The following MGAT4C variants were observed in gnomAD, a reference collection of about 807,000 sequenced individuals.
MGAT4C encodes MGAT4 family member C, also known as alpha-1,3-mannosyl-glycoprotein 4-beta-N-acetylglucosaminyltransferase C.
Under a neutral mutation model 40.1 loss-of-function variants are expected in MGAT4C, and 19 were observed. The observed-to-expected ratio is 0.47, with a 90% CI of 0.33 to 0.70. MGAT4C has a LOEUF of 0.70. Ranked by LOEUF, MGAT4C falls within the 30% of genes least tolerant of loss-of-function variation. The pLI is 0.02. For missense variants in MGAT4C, 491 were observed against 563.2 expected (o/e 0.87, Z 1.30); for synonymous variants, 181 against 187.1 (o/e 0.97, Z 0.27).
intron 1 of MGAT4C, among the ~76,000 whole-genome samples, chr12:86,770,682 T>C (rs563794826): frequency 5.9e-5 from 9 of 152,090 alleles, no homozygotes; most frequent in Non-Finnish European, 1.3e-4. Context: ...CATCAACTTA[T>C]GTATGAATTC....
At chr12:86,672,339 A>G (rs930819371) in intron 2 of MGAT4C, among the ~76,000 whole-genome samples, 1 of 152,074 alleles carries the variant, frequency 6.6e-6, no homozygotes, top group African/African-American at 2.4e-5. Flanking sequence ...AGAAGGAAAA[A>G]CTTCTAATAA....
At chr12:86,486,024 C>T (rs1958012984) in intron 2 of MGAT4C, among the ~76,000 whole-genome samples, 1 of 152,066 alleles carries the variant, frequency 6.6e-6, no homozygotes, top group South Asian at 2.1e-4. Context: ...GACAAGCAAA[C>T]ATTAAGGGAA....
Position 85,965,438 on chromosome 12 carries a change from A to T in MGAT4C, c.*13851T>A, listed in dbSNP as rs1321198105. 6.6e-6 allele frequency: 1 copy of T among 151,988 alleles called. No homozygotes were observed. The highest frequency in any genetic ancestry group is 6.6e-5 in the Admixed American group (1 of 15,240). 9.4% of individuals were successfully genotyped at this position (151,988 alleles called of 1,614,324 possible). A position where few individuals can be genotyped will look rare whatever the true frequency, so the allele number is the denominator to read the frequency against. On this transcript the variant is annotated 3_prime_UTR_variant, in exon 5 of 5. Transcript: ENST00000611864. ...AGGTGAAACCCCGTCTCTACTAAAA[A>T]TACAAAAAATTAGCCGGGCGTGGTG...
intron 2 of MGAT4C, among the ~76,000 whole-genome samples, chr12:86,444,451 A>T (rs1957296717): frequency 6.6e-6 from 1 of 152,150 alleles, no homozygotes; most frequent in African/African-American, 2.4e-5. Flanking sequence ...TGACTACCAA[A>T]TTTAGGTCTG....
rs78261368 is a variant in MGAT4C, at chr12:86,655,762, G to A, written c.-229+71447C>T. On this transcript the variant is annotated intron_variant, in intron 2 of 7. Coordinates refer to the MGAT4C transcript ENST00000548651. ...CTATTAGAACAAATCCTAGAACCAT[G>A]CTTCTTCGTTTCAAATCCTGTCTGT... 8.3e-4 allele frequency among the ~76,000 whole-genome samples: 126 copies of A among 152,194 alleles called. 5 individuals are homozygous for A. In the East Asian group the frequency reaches 0.023, roughly 28 times the overall value.
chr12:86,395,901 G>T (rs1448392815), intron 3 of MGAT4C, among the ~76,000 whole-genome samples: 1 of 152,050 alleles, frequency 6.6e-6, no homozygotes, highest in African/African-American at 2.4e-5. Flanking sequence ...ACATGCTGCA[G>T]AATAATAATA....
At chr12:86,052,097 T>C (rs1892952646) in intron 1 of MGAT4C, among the ~76,000 whole-genome samples, 1 of 151,752 alleles carries the variant, frequency 6.6e-6, no homozygotes, top group Non-Finnish European at 1.5e-5. Context: ...ATATGTAATA[T>C]AATACAATGA....
At chr12:86,362,824 G>A (rs1407136821) in intron 3 of MGAT4C, among the ~76,000 whole-genome samples, 5 of 139,696 alleles carry the variant, frequency 3.6e-5, no homozygotes, top group South Asian at 2.2e-4. Flanking sequence ...CCGAGATCAC[G>A]CTGCTGCACT....
At chr12:86,134,532 C>T (rs1367248463) in intron 1 of MGAT4C, among the ~76,000 whole-genome samples, 2 of 152,166 alleles carry the variant, frequency 1.3e-5, no homozygotes, top group South Asian at 4.1e-4. Flanking sequence ...GTTTCTTGTG[C>T]CTGATAGCAG....
At chr12:86,732,498 G>A (rs1194284896) in intron 1 of MGAT4C, among the ~76,000 whole-genome samples, 2 of 152,044 alleles carry the variant, frequency 1.3e-5, no homozygotes, top group Non-Finnish European at 2.9e-5. Context: ...CCCATCTGGG[G>A]GTGATGGAAG....
At position 86,798,222 on chromosome 12, in the gene MGAT4C, C is replaced by T. The variant is rs551550025; in HGVS notation, c.-262+40444G>A. Among the ~76,000 whole-genome samples the T allele has an allele frequency of 5.3e-5, 8 of 152,090 alleles. No individual in the cohort carries two copies. In the East Asian group the frequency reaches 1.6e-3, roughly 29 times the overall value. On this transcript the variant is annotated intron_variant, in intron 1 of 7. Transcript: ENST00000548651. ...TCACGTTATGATCAAACAGCATATA[C>T]TGCTTACATTCACCATAATTTACTC...
chr12:86,721,093 A>G (rs1279760011), intron 2 of MGAT4C, among the ~76,000 whole-genome samples: 1 of 152,168 alleles, frequency 6.6e-6, no homozygotes, highest in East Asian at 1.9e-4. Flanking sequence ...CCAATGTAGA[A>G]TGGTTATTGA....
At chr12:86,208,388 A>G (rs2135952183) in intron 1 of MGAT4C, among the ~76,000 whole-genome samples, 1 of 152,236 alleles carries the variant, frequency 6.6e-6, no homozygotes, top group South Asian at 2.1e-4. Flanking sequence ...AATCGCTTGA[A>G]CCCACATGAT....
chr12:86,583,757 T>C (rs566750413), intron 2 of MGAT4C, among the ~76,000 whole-genome samples: 2 of 151,318 alleles, frequency 1.3e-5, no homozygotes, highest in Non-Finnish European at 3.0e-5. Flanking sequence ...AAAATGAAAA[T>C]TAAATTAAAA....
At chr12:86,574,897 T>C (rs956589191) in intron 2 of MGAT4C, among the ~76,000 whole-genome samples, 3 of 151,856 alleles carry the variant, frequency 2.0e-5, no homozygotes, top group Non-Finnish European at 2.9e-5. Context: ...ATTTGATTAA[T>C]GCTCTTTTAC....
chr12:86,769,691 A>C (rs1369900675), intron 1 of MGAT4C, among the ~76,000 whole-genome samples: 1 of 152,112 alleles, frequency 6.6e-6, no homozygotes, highest in Admixed American at 6.5e-5. Flanking sequence ...AGCCATAAAA[A>C]ATGATGAGTT....
intron 4 of MGAT4C, among the ~76,000 whole-genome samples, chr12:86,296,436 G>C (rs1197330003): frequency 6.9e-6 from 1 of 145,906 alleles, no homozygotes; most frequent in Admixed American, 6.9e-5. Context: ...GATGGGACTG[G>C]GCGCCGTGGA....
chr12:86,795,265 A>G (rs1475109964), intron 1 of MGAT4C, among the ~76,000 whole-genome samples: 2 of 151,932 alleles, frequency 1.3e-5, no homozygotes, highest in South Asian at 2.1e-4. Flanking sequence ...ATTTTGTCCC[A>G]TGTCATAATT....
At chr12:86,365,514 C>T (rs1178640629) in intron 3 of MGAT4C, among the ~76,000 whole-genome samples, 2 of 152,254 alleles carry the variant, frequency 1.3e-5, no homozygotes, top group African/African-American at 2.4e-5. Flanking sequence ...GAAATCTTCA[C>T]ATTTTATGTT....
Sources: allele counts gnomAD v4.1 joint callset (sites outside exome capture counted in the v4.1 genomes callset), GRCh38; gene constraint gnomAD v4.1.1; transcripts MANE v1.5; gene names NCBI Gene and HGNC (gene_info 2026-07-23, HGNC 2026-07-21).